Variants in CDH6 observed in about 807,000 individuals in gnomAD.
The protein encoded by CDH6 is cadherin 6.
A neutral mutation model predicts 78.0 loss-of-function variants in CDH6; 31 were observed. That is an observed-to-expected ratio of 0.40 (90% CI 0.30 to 0.54). The LOEUF (loss-of-function observed/expected upper bound fraction) is 0.54, where lower values mean the gene tolerates loss of function less well. Ranked by LOEUF, CDH6 falls within the 20% of genes least tolerant of loss-of-function variation. CDH6 has a pLI of 0.56. For missense variants in CDH6, 724 were observed against 975.9 expected (o/e 0.74, Z 3.44); for synonymous variants, 376 against 368.8 (o/e 1.02, Z -0.23).
chr5:31,229,083 C>T (rs541744634), intron 1 of CDH6, among the ~76,000 whole-genome samples: 1 of 152,204 alleles, frequency 6.6e-6, no homozygotes, highest in Non-Finnish European at 1.5e-5. Context: ...CTAGCACTTG[C>T]GTGCCATTTC....
chr5:31,234,034 G>A (rs1420041101), intron 1 of CDH6, among the ~76,000 whole-genome samples: 1 of 118,240 alleles, frequency 8.5e-6, no homozygotes, highest in Non-Finnish European at 1.7e-5. Flanking sequence ...TGTGATAATA[G>A]TCTATATCTC....
At chr5:31,198,453 A>G (rs1459061997) in intron 1 of CDH6, among the ~76,000 whole-genome samples, 1 of 152,138 alleles carries the variant, frequency 6.6e-6, no homozygotes, top group Non-Finnish European at 1.5e-5. Flanking sequence ...TGTGGGAGAA[A>G]CGACTTATGA....
At chr5:31,291,888 C>T (rs1579889129) in intron 2 of CDH6, among the ~76,000 whole-genome samples, 1 of 152,166 alleles carries the variant, frequency 6.6e-6, no homozygotes, top group South Asian at 2.1e-4. Context: ...CCTCCCCATT[C>T]GAATTTATCT....
At chr5:31,257,887 A>C (rs2149928462) in intron 1 of CDH6, among the ~76,000 whole-genome samples, 1 of 152,338 alleles carries the variant, frequency 6.6e-6, no homozygotes, top group East Asian at 1.9e-4. Flanking sequence ...GACATTGTGG[A>C]TATTACAGCT....
chr5:31,253,388 AG>A (rs1741965833), intron 1 of CDH6, among the ~76,000 whole-genome samples: 1 of 152,176 alleles, frequency 6.6e-6, no homozygotes, highest in Non-Finnish European at 1.5e-5. Context: ...CATGTGAAGA[AG>A]GACATGTTTG....
chr5:31,286,576 G>A (rs1252022414), intron 2 of CDH6, among the ~76,000 whole-genome samples: 2 of 152,186 alleles, frequency 1.3e-5, no homozygotes, highest in Non-Finnish European at 2.9e-5. Flanking sequence ...GATGGCTGAT[G>A]AAGCCAAAGA....
At chr5:31,242,701 T>TTG (rs1554005338) in intron 1 of CDH6, among the ~76,000 whole-genome samples, 239 of 139,498 alleles carry the variant, frequency 1.7e-3, no homozygotes, top group African/African-American at 6.2e-3. Flanking sequence ...AGAATAAGAA[T>TTG]GGGGGGGGGC....
At chr5:31,225,121 G>T (rs543129296) in intron 1 of CDH6, among the ~76,000 whole-genome samples, 51 of 152,280 alleles carry the variant, frequency 3.3e-4, no homozygotes, top group Middle Eastern at 3.4e-3. Context: ...TGGCCCAAAT[G>T]CAAATAGTGC....
At chr5:31,293,226 G>T (rs924198125) in intron 2 of CDH6, among the ~76,000 whole-genome samples, 6 of 151,868 alleles carry the variant, frequency 4.0e-5, no homozygotes. Flanking sequence ...TTATTAGAAG[G>T]TCCTTTCCTA....
At chr5:31,311,667 G>A (rs945456136) in intron 7 of CDH6, among the ~76,000 whole-genome samples, 8 of 152,318 alleles carry the variant, frequency 5.3e-5, no homozygotes, top group Non-Finnish European at 8.8e-5. Context: ...TACAGGAAGC[G>A]TGGCTAGGAG....
chr5:31,291,587 C>T (rs925860429), intron 2 of CDH6, among the ~76,000 whole-genome samples: 1 of 151,918 alleles, frequency 6.6e-6, no homozygotes, highest in Non-Finnish European at 1.5e-5. Flanking sequence ...ATGAACATGG[C>T]TCATGCCTAG....
intron 1 of CDH6, among the ~76,000 whole-genome samples, chr5:31,220,107 T>G (rs554674780): frequency 2.0e-5 from 3 of 152,332 alleles, no homozygotes; most frequent in South Asian, 4.1e-4. Context: ...ACTTCCACAA[T>G]TAAAAACAGT....
At chr5:31,290,110 A>T (rs141198383) in intron 2 of CDH6, among the ~76,000 whole-genome samples, 1 of 152,148 alleles carries the variant, frequency 6.6e-6, no homozygotes, top group Admixed American at 6.5e-5. Context: ...TACACAAAAA[A>T]TTAGCCAGGT....
rs2149964352 is a variant in CDH6 at position 31,327,776 on chromosome 5, T to C, written c.*4468T>C. 4.8e-6 allele frequency: 1 copy of C among 210,110 alleles called. No individual in the cohort carries two copies. The highest frequency in any genetic ancestry group is 7.2e-5 in the East Asian group (1 of 13,864). The allele number at this position is 210,110 out of a possible 1,614,324, so 13.0% of individuals were successfully genotyped here. On this transcript the variant is annotated 3_prime_UTR_variant, in exon 12 of 12. Transcript: ENST00000265071. ...AATAATTTTCTAAAGGGTAATTCTC[T>C]ACTAAAAATATCAGACCCCGACCAT... is the stretch of plus-strand genomic sequence containing the variant.
At chr5:31,232,337 AT>A (rs777526340) in intron 1 of CDH6, among the ~76,000 whole-genome samples, 5 of 152,134 alleles carry the variant, frequency 3.3e-5, no homozygotes, top group Admixed American at 6.5e-5. Flanking sequence ...CCTGCACTTT[AT>A]TTTCCAAGCT....
chr5:31,256,515 G>A (rs2149927608), intron 1 of CDH6, among the ~76,000 whole-genome samples: 1 of 152,282 alleles, frequency 6.6e-6, no homozygotes, highest in African/African-American at 2.4e-5. Context: ...CTAATTCTGG[G>A]ATTTTCTTAG....
intron 8 of CDH6, among the ~76,000 whole-genome samples, chr5:31,315,457 T>C (rs1417952441): frequency 2.0e-5 from 3 of 152,260 alleles, no homozygotes; most frequent in Non-Finnish European, 1.5e-5. Flanking sequence ...ATCCTTACAC[T>C]AGAAATCTGT....
chr5:31,299,603 C>T lies in CDH6; in HGVS notation c.783C>T (p.Val261=). The change falls in exon 5 of 12, where the codon GTC becomes GTT. Residue 261 remains valine, a synonymous_variant. Coordinates refer to ENST00000265071, the MANE Select transcript of CDH6 (RefSeq NM_004932.4). The part of the protein sequence containing the change: ...TTTVNITLTD[V]NDNPPRFPQS... ...CCGTGAACATCACACTGACTGATGT[C>T]AACGACAACCCTCCCCGATTCCCCC... is the stretch of plus-strand genomic sequence containing the variant. 1 of 1,613,368 alleles carries T rather than the reference C, an allele frequency of 6.2e-7. No individual in the cohort carries two copies.
At chr5:31,261,639 A>G (rs1579861017) in intron 1 of CDH6, among the ~76,000 whole-genome samples, 1 of 152,222 alleles carries the variant, frequency 6.6e-6, no homozygotes, top group East Asian at 1.9e-4. Flanking sequence ...GCCAAAGTTA[A>G]GGCTCCGCAT....
Sources: allele counts gnomAD v4.1 joint callset (sites outside exome capture counted in the v4.1 genomes callset), GRCh38; gene constraint gnomAD v4.1.1; transcripts MANE v1.5; gene names NCBI Gene and HGNC (gene_info 2026-07-23, HGNC 2026-07-21).